Variants in HDAC9 observed in about 807,000 individuals in gnomAD.
HDAC9 encodes the protein MEF-2 interacting transcription repressor (MITR) protein.
Under a neutral mutation model 139.4 loss-of-function variants are expected in HDAC9, and 41 were observed. The observed-to-expected ratio is 0.29, with a 90% CI of 0.23 to 0.38. HDAC9 has a LOEUF of 0.38. HDAC9 is among the 10% of genes least tolerant of loss of function. The pLI is 1.00. For missense variants in HDAC9, 1,147 were observed against 1,297.0 expected (o/e 0.88, Z 1.78); for synonymous variants, 517 against 476.2 (o/e 1.09, Z -1.12).
At chr7:18,547,626 T>G (rs994814822) in intron 2 of HDAC9, among the ~76,000 whole-genome samples, 5 of 152,226 alleles carry the variant, frequency 3.3e-5, no homozygotes, top group Non-Finnish European at 7.3e-5. Context: ...CAGCAAGTAA[T>G]GCTGATGTGG....
At chr7:18,780,606 A>G (rs977773970) in intron 16 of HDAC9, among the ~76,000 whole-genome samples, 16 of 152,180 alleles carry the variant, frequency 1.1e-4, no homozygotes, top group Admixed American at 3.9e-4. Flanking sequence ...CAGACTGAAG[A>G]TGAGAGAAGC....
At chr7:18,888,317 C>G (rs1268613377) in intron 22 of HDAC9, among the ~76,000 whole-genome samples, 1 of 152,040 alleles carries the variant, frequency 6.6e-6, no homozygotes, top group African/African-American at 2.4e-5. Context: ...CCCAGCTACT[C>G]GGGAGGCTGA....
chr7:18,519,232 G>A (rs1315397705), intron 2 of HDAC9, among the ~76,000 whole-genome samples: 1 of 152,186 alleles, frequency 6.6e-6, no homozygotes, highest in Non-Finnish European at 1.5e-5. Flanking sequence ...CTAGGTCAGT[G>A]TAATCCTATC....
chr7:18,209,203 T>C (rs910327048), intron 2 of HDAC9, among the ~76,000 whole-genome samples: 3 of 152,226 alleles, frequency 2.0e-5, no homozygotes, highest in African/African-American at 7.2e-5. Flanking sequence ...ACTTTATTGG[T>C]CACCCGCTTA....
chr7:18,286,336 G>A (rs1797450492), upstream of HDAC9, among the ~76,000 whole-genome samples: 1 of 150,774 alleles, frequency 6.6e-6, no homozygotes, highest in East Asian at 1.9e-4. Context: ...ATCCAGTCTA[G>A]TGGTACATTT....
chr7:18,285,634 A>G (rs181920985), upstream of HDAC9, among the ~76,000 whole-genome samples: 2,114 of 152,162 alleles, frequency 0.014, 23 homozygotes, highest in Non-Finnish European at 0.018. Flanking sequence ...TATTAGCATC[A>G]ATGATATATG....
intron 7 of HDAC9, among the ~76,000 whole-genome samples, chr7:18,634,363 T>C (rs1211405058): frequency 1.3e-5 from 2 of 151,664 alleles, no homozygotes; most frequent in Non-Finnish European, 2.9e-5. Context: ...TCAAAGCTCC[T>C]GTGACCCTCT....
At chr7:18,692,574 T>G (rs1782746673) in intron 12 of HDAC9, among the ~76,000 whole-genome samples, 1 of 152,152 alleles carries the variant, frequency 6.6e-6, no homozygotes, top group South Asian at 2.1e-4. Context: ...AAGATTTGGA[T>G]GTAAATCTAT....
chr7:18,633,220 A>G (rs558581221), intron 7 of HDAC9, among the ~76,000 whole-genome samples: 2 of 152,270 alleles, frequency 1.3e-5, no homozygotes, highest in South Asian at 4.1e-4. Flanking sequence ...GAAGACAAAC[A>G]TGGATGTAGA....
intron 2 of HDAC9, among the ~76,000 whole-genome samples, chr7:18,183,901 C>T (rs1011646197): frequency 6.6e-6 from 1 of 152,160 alleles, no homozygotes; most frequent in Non-Finnish European, 1.5e-5. Flanking sequence ...AAACTTTTTT[C>T]ATTCTACCAT....
chr7:18,784,715 A>T (rs1211109649), intron 16 of HDAC9, among the ~76,000 whole-genome samples: 1 of 152,028 alleles, frequency 6.6e-6, no homozygotes, highest in African/African-American at 2.4e-5. Context: ...GAAATGTTAT[A>T]CCCATCTCTC....
chr7:18,868,202 T>C (rs1798638125), intron 21 of HDAC9, among the ~76,000 whole-genome samples: 2 of 152,186 alleles, frequency 1.3e-5, no homozygotes, highest in Admixed American at 6.5e-5. Flanking sequence ...AGTACCAGCT[T>C]TCCCTGTGGT....
chr7:18,706,083 C>T (rs1233238461), intron 12 of HDAC9, among the ~76,000 whole-genome samples: 3 of 151,234 alleles, frequency 2.0e-5, no homozygotes, highest in Non-Finnish European at 4.4e-5. Context: ...TAGAAAATGT[C>T]CCATCTTTCT....
intron 12 of HDAC9, among the ~76,000 whole-genome samples, chr7:18,670,833 T>G (rs1474513272): frequency 6.6e-6 from 1 of 152,062 alleles, no homozygotes; most frequent in Admixed American, 6.6e-5. Context: ...TTTTAATAGC[T>G]TCTATAAATT....
At chr7:18,854,912 A>G (rs1260354092) in intron 21 of HDAC9, among the ~76,000 whole-genome samples, 1 of 152,192 alleles carries the variant, frequency 6.6e-6, no homozygotes, top group African/African-American at 2.4e-5. Flanking sequence ...AAGGTAGGCA[A>G]CATGGTGAGT....
chr7:18,607,141 CAGTA>C (rs1835743647), intron 6 of HDAC9, among the ~76,000 whole-genome samples: 2 of 152,188 alleles, frequency 1.3e-5, no homozygotes, highest in South Asian at 4.1e-4. Context: ...TTTCACAGTT[CAGTA>C]AGTGAGAAGC....
intron 1 of HDAC9, among the ~76,000 whole-genome samples, chr7:18,441,732 G>C (rs989402503): frequency 6.6e-6 from 1 of 151,984 alleles, no homozygotes; most frequent in Non-Finnish European, 1.5e-5. Flanking sequence ...TCCAGAAAGG[G>C]ACATATATAT....
intron 1 of HDAC9, among the ~76,000 whole-genome samples, chr7:18,088,383 C>G (rs566566196): frequency 4.6e-5 from 7 of 152,206 alleles, no homozygotes; most frequent in South Asian, 2.1e-4. Flanking sequence ...TTAGGAATTA[C>G]AAGTATTCAG....
chr7:18,515,068 A>G (rs1802734640), intron 2 of HDAC9, among the ~76,000 whole-genome samples: 2 of 152,324 alleles, frequency 1.3e-5, no homozygotes, highest in African/African-American at 4.8e-5. Context: ...TCCAGTTTAT[A>G]GTCATATGGT....
Sources: allele counts gnomAD v4.1 joint callset (sites outside exome capture counted in the v4.1 genomes callset), GRCh38; gene constraint gnomAD v4.1.1; transcripts MANE v1.5; gene names NCBI Gene and HGNC (gene_info 2026-07-23, HGNC 2026-07-21).